Variants in AXIN1 observed in about 807,000 individuals in gnomAD.
The protein encoded by AXIN1 is axin 1.
A neutral mutation model predicts 76.4 loss-of-function variants in AXIN1; 30 were observed. That is an observed-to-expected ratio of 0.39 (90% CI 0.29 to 0.53). The LOEUF is 0.53. Ranked by LOEUF, AXIN1 falls within the 20% of genes least tolerant of loss-of-function variation. The pLI is 0.66. For synonymous variants in AXIN1, 545 were observed against 501.4 expected (o/e 1.09, Z -1.16); for missense variants, 1,140 against 1,198.8 (o/e 0.95, Z 0.72).
At chr16:292,307 G>A (rs1029305679) in intron 8 of AXIN1, 1 of 152,304 alleles carries the variant, frequency 6.6e-6, no homozygotes, top group Non-Finnish European at 1.5e-5. Flanking sequence ...CAGGGTCACA[G>A]ATGTTTGGTC....
chr16:298,771 T>C (rs935005291), intron 5 of AXIN1, among the ~76,000 whole-genome samples: 1 of 151,092 alleles, frequency 6.6e-6, no homozygotes, highest in Non-Finnish European at 1.5e-5. Flanking sequence ...TTGGCCTGTA[T>C]ATATATATAT....
At chr16:288,871 G>T (rs940625549) in intron 10 of AXIN1, among the ~76,000 whole-genome samples, 8 of 152,246 alleles carry the variant, frequency 5.3e-5, no homozygotes, top group Admixed American at 4.6e-4. Context: ...CGGCCTAGGG[G>T]AGCCTAACAC....
chr16:316,067 T>C (rs922931434), intron 2 of AXIN1, among the ~76,000 whole-genome samples: 1 of 152,012 alleles, frequency 6.6e-6, no homozygotes, highest in African/African-American at 2.4e-5. Flanking sequence ...ATAAAATAAA[T>C]AAATCAATCA....
chr16:310,500 T>C (rs3842951), intron 3 of AXIN1, among the ~76,000 whole-genome samples: 81,702 of 151,954 alleles, frequency 0.54, 22,604 homozygotes, highest in South Asian at 0.7. Flanking sequence ...GGGTTCACGC[T>C]ATTCTCCTGC....
At position 310,046 on chromosome 16, in the gene AXIN1, A is replaced by C; in HGVS notation, c.1043T>G (p.Ile348Ser). The C allele has an allele frequency of 6.2e-7, 1 of 1,612,648 alleles. No individual in the cohort carries two copies. Among genetic ancestry groups the C allele is most frequent in the Admixed American group, 1.7e-5 (1 of 59,936 alleles). The change falls in exon 4 of 11, where the codon ATC becomes AGC. Residue 348 changes from isoleucine to serine, a missense_variant. By Grantham distance (142) the Ile-to-Ser change is moderately radical (BLOSUM62 -2). Coordinates refer to ENST00000262320, the MANE Select transcript of AXIN1 (RefSeq NM_003502.4). ...SSVDGIPPYR[I>S]RKQHRREMQE... ...CATCTCCCTGCGGTGCTGCTTACGG[A>C]TCCTGTATGGGGGGATCCCATCCCT...
intron 5 of AXIN1, chr16:299,003 A>C: frequency 1.1e-6 from 1 of 878,770 alleles, no homozygotes; most frequent in Non-Finnish European, 1.4e-6. Context: ...TCCTGACCTC[A>C]TGATCCACCC....
Position 298,094 on chromosome 16 carries a change from A to G in AXIN1, c.1412T>C (p.Leu471Pro), listed in dbSNP as rs1596998742. The G allele has an allele frequency of 6.4e-7, 1 of 1,551,834 alleles. No homozygotes were observed. ...CAGCACACGCTGTACGTGCTCGTCCAGGATGCTCTCAGGGTTCTCCTCGTG... is the reference window on the plus strand; with the variant it reads ...CAGCACACGCTGTACGTGCTCGTCCGGGATGCTCTCAGGGTTCTCCTCGTG... ...DAHEENPESI[L>P]DEHVQRVLRT... is the part of the protein sequence containing the mutation. The change falls in exon 6 of 11, where the codon CTG becomes CCG. Residue 471 changes from leucine to proline, a missense_variant. Leu to Pro is a moderately conservative substitution (Grantham distance 98). This residue lies in a region of AXIN1 where 708 missense variants were observed against 776.9 expected (regional missense o/e 0.91). Coordinates refer to ENST00000262320, the MANE Select transcript of AXIN1 (RefSeq NM_003502.4).
At chr16:321,551 T>C (rs2053457072) in intron 2 of AXIN1, among the ~76,000 whole-genome samples, 1 of 152,246 alleles carries the variant, frequency 6.6e-6, no homozygotes, top group African/African-American at 2.4e-5. Context: ...GGCTGTGTCC[T>C]GATAAACCTC....
intron 2 of AXIN1, among the ~76,000 whole-genome samples, chr16:332,238 C>T (rs1016475775): frequency 3.9e-5 from 6 of 152,218 alleles, no homozygotes; most frequent in Non-Finnish European, 8.8e-5. Flanking sequence ...GCAGCAACAT[C>T]ACAATCACAA....
At chr16:327,869 C>G (rs1246957244) in intron 2 of AXIN1, among the ~76,000 whole-genome samples, 1 of 152,224 alleles carries the variant, frequency 6.6e-6, no homozygotes, top group East Asian at 1.9e-4. Flanking sequence ...AAGTGTCCTG[C>G]ACATTAGTTA....
At chr16:341,271 G>C (rs8058381) in intron 2 of AXIN1, among the ~76,000 whole-genome samples, 3,440 of 152,370 alleles carry the variant, frequency 0.023, 128 homozygotes, top group African/African-American at 0.078. Flanking sequence ...TGGAGGGAGA[G>C]GCGCGAGCGG....
intron 5 of AXIN1, among the ~76,000 whole-genome samples, chr16:299,416 G>C (rs796529794): frequency 2.6e-5 from 4 of 152,092 alleles, no homozygotes; most frequent in African/African-American, 9.7e-5. Context: ...GCAGTGGCAC[G>C]ATCTTGGCTC....
At position 293,660 on chromosome 16, in the gene AXIN1, G is replaced by A. The variant is rs2141486780; in HGVS notation, c.2014C>T (p.His672Tyr). 1 of 1,613,704 alleles carries A rather than the reference G, an allele frequency of 6.2e-7. No individual in the cohort carries two copies. The change falls in exon 8 of 11, where the codon CAC becomes TAC. Residue 672 changes from histidine to tyrosine, a missense_variant. This residue lies in a region of AXIN1 where 429 missense variants were observed against 405.8 expected (regional missense o/e 1.06). Coordinates refer to ENST00000262320, the MANE Select transcript of AXIN1 (RefSeq NM_003502.4). This position sits in a 1 kb window ranked among gnomAD's most constrained non-coding sequence, Gnocchi z 4.6. ...CGGAGCTGAGGGCCGGCCCAGGGGT[G>A]CTCAAGGGACAAGGGTCTGGAGTTC... is the stretch of plus-strand genomic sequence containing the variant. Reference protein sequence around the residue: ...HENSRPLSLEHPWAGPQLRTS... With the variant: ...HENSRPLSLEYPWAGPQLRTS...
At chr16:300,156 G>C (rs1227291510) in intron 5 of AXIN1, among the ~76,000 whole-genome samples, 1 of 151,704 alleles carries the variant, frequency 6.6e-6, no homozygotes, top group Non-Finnish European at 1.5e-5. Context: ...TTGCCAGGCT[G>C]GTCTCGAACT....
At chr16:320,246 A>G (rs2053408947) in intron 2 of AXIN1, among the ~76,000 whole-genome samples, 1 of 152,124 alleles carries the variant, frequency 6.6e-6, no homozygotes, top group South Asian at 2.1e-4. Context: ...AGGTCTCACT[A>G]TGTCACCCAG....
chr16:347,736 G>A (rs549472898), intron 1 of AXIN1, among the ~76,000 whole-genome samples: 2 of 152,220 alleles, frequency 1.3e-5, no homozygotes, highest in African/African-American at 2.4e-5. Flanking sequence ...CTCAACACAC[G>A]CCTCAAAGAG....
intron 4 of AXIN1, among the ~76,000 whole-genome samples, chr16:308,683 T>A (rs541442262): frequency 6.6e-6 from 1 of 152,236 alleles, no homozygotes; most frequent in African/African-American, 2.4e-5. Context: ...TGTGACCTCA[T>A]GATAGCCTTG....
intron 4 of AXIN1, among the ~76,000 whole-genome samples, chr16:305,463 G>A (rs964741117): frequency 3.3e-5 from 5 of 152,172 alleles, no homozygotes; most frequent in African/African-American, 1.2e-4. Flanking sequence ...GTGAAAGAGT[G>A]AGACCCTGTC....
intron 2 of AXIN1, among the ~76,000 whole-genome samples, chr16:334,498 C>T (rs1319345880): frequency 2.7e-5 from 4 of 150,706 alleles, no homozygotes; most frequent in South Asian, 2.1e-4. Context: ...TACACAGCAC[C>T]CAGTACCACA....
Sources: gnomAD v4.1 joint callset for allele counts (sites outside exome capture counted in the v4.1 genomes callset) on GRCh38, gnomAD v4.1.1 for gene constraint, gnomAD v4.1.1 regional missense constraint, Gnocchi (gnomAD v3.1) non-coding constraint, MANE v1.5 for transcripts, NCBI Gene and HGNC (gene_info 2026-07-23, HGNC 2026-07-21) for gene names.